BRINP1: variants seen among roughly 807,000 people sequenced by gnomAD.
The protein encoded by BRINP1 is BMP/retinoic acid-inducible neural-specific protein 1.
Under a neutral mutation model 72.9 loss-of-function variants are expected in BRINP1, and 17 were observed. The ratio of observed to expected loss-of-function variants is 0.23; its 90% CI spans 0.16 to 0.35. BRINP1 has a LOEUF of 0.35. Among genes scored for constraint, BRINP1 ranks in the 10% least tolerant of loss-of-function variants. The pLI is 1.00. For missense variants in BRINP1, 850 were observed against 1,001.6 expected, an observed-to-expected ratio of 0.85 and a Z score of 2.04; for synonymous variants, 418 against 378.5, an observed-to-expected ratio of 1.10 and a Z score of -1.21.
At chr9:119,234,912 T>C (rs1280507757) in intron 5 of BRINP1, among the ~76,000 whole-genome samples, 1 of 152,176 alleles carries the variant, frequency 6.6e-6, no homozygotes, top group African/African-American at 2.4e-5. Flanking sequence ...TATATTATCT[T>C]GAGTCATAGA....
Position 119,168,100 on chromosome 9 carries a change from G to A in BRINP1, c.1270C>T (p.Arg424Cys), listed in dbSNP as rs758808562. ...VCHGSTTLCQ[R>C]PIPCVIGGNN... ...CCGCCTATCACGCAGGGGATGGGGC[G>A]CTGGCACAGCGTGGTGCTGCCGTGG... Residue 424 changes from arginine (R) to cysteine (C), a missense_variant, in exon 8 of 8, where the codon CGC becomes TGC. Physicochemically the swap from Arg to Cys is radical, Grantham distance 180. Transcript: ENST00000265922. 6.8e-6 allele frequency: 11 copies of A among 1,608,992 alleles called. No individual in the cohort carries two copies. Among genetic ancestry groups the A allele is most frequent in the South Asian group, 4.4e-5 (4 of 90,460 alleles).
chr9:119,293,704 A>C (rs990249305), intron 2 of BRINP1, among the ~76,000 whole-genome samples: 3 of 152,222 alleles, frequency 2.0e-5, no homozygotes, highest in African/African-American at 4.8e-5. Flanking sequence ...ATTTTAAAGC[A>C]TTGCATATAG....
Position 119,369,194 on chromosome 9 carries a change from C to T in BRINP1, c.-189G>A, listed in dbSNP as rs754890350. ...ACTGCAGGCGTGGGGGTACCTGGCT[C>T]CTAGCAGCCTGGCTCATACTCAGCC... On this transcript the variant is annotated 5_prime_UTR_variant, in exon 1 of 8. Coordinates refer to ENST00000265922, the MANE Select transcript of BRINP1 (RefSeq NM_014618.3). The T allele has an allele frequency of 2.3e-5, 9 of 398,644 alleles. No homozygotes were observed. Among genetic ancestry groups the T allele is most frequent in the Non-Finnish European group, 4.0e-5 (9 of 226,184 alleles). The allele number at this position is 398,644 out of a possible 1,614,324, so 24.7% of individuals were successfully genotyped here. A position where few individuals can be genotyped will look rare whatever the true frequency, so the allele number is the denominator to read the frequency against.
At chr9:119,356,766 T>C (rs1184182234) in intron 1 of BRINP1, among the ~76,000 whole-genome samples, 1 of 151,276 alleles carries the variant, frequency 6.6e-6, no homozygotes, top group Non-Finnish European at 1.5e-5. Context: ...GATCGCACCA[T>C]TGCACTCCAG....
intron 1 of BRINP1, among the ~76,000 whole-genome samples, chr9:119,336,559 GGA>G (rs1372440212): frequency 1.3e-5 from 2 of 152,120 alleles, no homozygotes; most frequent in Non-Finnish European, 1.5e-5. Context: ...GTGAAATGTG[GGA>G]GAGAGAGTGT....
intron 7 of BRINP1, among the ~76,000 whole-genome samples, chr9:119,207,440 C>T (rs1398702213): frequency 6.6e-6 from 1 of 152,216 alleles, no homozygotes; most frequent in Non-Finnish European, 1.5e-5. Context: ...ACTTTTGCAT[C>T]AACCTAAAAT....
At chr9:119,308,463 T>C (rs1454495642) in intron 2 of BRINP1, among the ~76,000 whole-genome samples, 2 of 152,194 alleles carry the variant, frequency 1.3e-5, no homozygotes, top group Admixed American at 6.5e-5. Flanking sequence ...CCATGTACAA[T>C]ATCTGGCATA....
chr9:119,347,252 A>T (rs952055348), intron 1 of BRINP1, among the ~76,000 whole-genome samples: 1 of 152,142 alleles, frequency 6.6e-6, no homozygotes, highest in East Asian at 1.9e-4. Context: ...GTATTCCTGA[A>T]ATGCCAATGT....
chr9:119,288,685 G>T (rs947023476), intron 2 of BRINP1, among the ~76,000 whole-genome samples: 5 of 152,224 alleles, frequency 3.3e-5, no homozygotes, highest in Non-Finnish European at 7.3e-5. Flanking sequence ...TTAGGATATA[G>T]CAGAGTGAAT....
intron 5 of BRINP1, among the ~76,000 whole-genome samples, chr9:119,236,597 C>T (rs1017001611): frequency 3.3e-5 from 5 of 152,142 alleles, no homozygotes; most frequent in Non-Finnish European, 4.4e-5. Flanking sequence ...TTTCCACCCT[C>T]AGTATGCACA....
In BRINP1 at chr9:119,256,819, TAATC is replaced by T. The variant is rs541357379; in HGVS notation, c.219-7673_219-7670del. Among the ~76,000 whole-genome samples, 250 of 152,332 alleles carry T rather than the reference TAATC, an allele frequency of 1.6e-3. 1 individual carries two copies. The highest frequency in any genetic ancestry group is 0.014 in the Middle Eastern group (4 of 294). On this transcript the variant is annotated intron_variant, in intron 2 of 7. Transcript: ENST00000265922. ...ATGTGTTTCCTCCATTGTTTTTAGA[TAATC>T]AAGCTCCTAATGACCTCTGATAAGT...
chr9:119,343,020 G>A (rs569969258), intron 1 of BRINP1, among the ~76,000 whole-genome samples: 4 of 152,164 alleles, frequency 2.6e-5, no homozygotes, highest in Non-Finnish European at 4.4e-5. Flanking sequence ...GGATGCCTGG[G>A]TCAAATCAAG....
chr9:119,271,880 C>T (rs1475269174), intron 2 of BRINP1, among the ~76,000 whole-genome samples: 2 of 151,176 alleles, frequency 1.3e-5, no homozygotes, highest in Non-Finnish European at 2.9e-5. Flanking sequence ...CTTTTTAATA[C>T]ATAGAGACAG....
chr9:119,318,864 T>A (rs1831156143), intron 1 of BRINP1, among the ~76,000 whole-genome samples: 1 of 151,602 alleles, frequency 6.6e-6, no homozygotes, highest in Non-Finnish European at 1.5e-5. Flanking sequence ...TGTGTGTGTG[T>A]GTGTGTGTGT....
At chr9:119,331,505 T>C (rs919514750) in intron 1 of BRINP1, among the ~76,000 whole-genome samples, 2 of 152,254 alleles carry the variant, frequency 1.3e-5, no homozygotes, top group African/African-American at 4.8e-5. Flanking sequence ...TGCATCCATA[T>C]ATAACATCGG....
intron 1 of BRINP1, among the ~76,000 whole-genome samples, chr9:119,315,606 A>G (rs1831116979): frequency 6.6e-6 from 1 of 152,114 alleles, no homozygotes; most frequent in Non-Finnish European, 1.5e-5. Context: ...GGAGTCCTAC[A>G]TCTCTCACTT....
intron 5 of BRINP1, among the ~76,000 whole-genome samples, chr9:119,221,171 T>G (rs1268292606): frequency 6.6e-6 from 1 of 152,284 alleles, no homozygotes; most frequent in Middle Eastern, 3.4e-3. Flanking sequence ...CCTGTAGATA[T>G]CTCTGAGCTT....
chr9:119,221,738 G>A (rs943683723), intron 5 of BRINP1, among the ~76,000 whole-genome samples: 1 of 152,148 alleles, frequency 6.6e-6, no homozygotes, highest in African/African-American at 2.4e-5. Context: ...AGAAGATTTG[G>A]AATCCTTAGG....
At chr9:119,268,285 T>TAGATAGATAGATAGATAGATAGATAGAC (rs1554752344) in intron 2 of BRINP1, among the ~76,000 whole-genome samples, 132 of 148,616 alleles carry the variant, frequency 8.9e-4, no homozygotes, top group East Asian at 2.8e-3. Flanking sequence ...GATAGATAGA[T>TAGATAGATAGATAGATAGATAGATAGAC]AGATAGATAG....
Sources: gnomAD v4.1 joint callset for allele counts (sites outside exome capture counted in the v4.1 genomes callset) on GRCh38, gnomAD v4.1.1 for gene constraint, MANE v1.5 for transcripts, NCBI Gene and HGNC (gene_info 2026-07-23, HGNC 2026-07-21) for gene names.